Variants in BIK observed in about 807,000 individuals in gnomAD.
BIK encodes the protein bcl-2-interacting killer.
A neutral mutation model predicts 12.1 loss-of-function variants in BIK; 14 were observed. That is an observed-to-expected ratio of 1.16 (90% confidence interval 0.77 to 1.81). The LOEUF (loss-of-function observed/expected upper bound fraction) is 1.81, where lower values mean the gene tolerates loss of function less well. Ranked by LOEUF, BIK falls within the 40% of genes most tolerant of loss-of-function variation. BIK has a pLI of 0.00. For missense variants in BIK, 215 were observed against 207.9 expected, an observed-to-expected ratio of 1.03 and a Z score of -0.21; for synonymous variants, 86 against 92.3, an observed-to-expected ratio of 0.93 and a Z score of 0.39.
chr22:43,120,614 G>T (rs1930201616), intron 1 of BIK, among the ~76,000 whole-genome samples: 1 of 152,224 alleles, frequency 6.6e-6, no homozygotes, highest in Admixed American at 6.5e-5. Flanking sequence ...GTGCCAGGTA[G>T]GAGCTGACAG....
chr22:43,116,736 C>A (rs889344633), intron 1 of BIK, among the ~76,000 whole-genome samples: 7 of 152,100 alleles, frequency 4.6e-5, no homozygotes, highest in Non-Finnish European at 1.0e-4. Context: ...GGATTACAGG[C>A]GTAAGCCACC....
chr22:43,119,139 T>C, intron 1 of BIK, among the ~76,000 whole-genome samples: 1 of 151,474 alleles, frequency 6.6e-6, no homozygotes, highest in East Asian at 1.9e-4. Flanking sequence ...CATCCTAACC[T>C]CTTAGGGTAA....
intron 1 of BIK, among the ~76,000 whole-genome samples, chr22:43,118,873 C>T (rs983109867): frequency 2.0e-5 from 3 of 152,064 alleles, no homozygotes; most frequent in Non-Finnish European, 4.4e-5. Flanking sequence ...CCTGCAGCCT[C>T]GGCCCTCGAA....
chr22:43,124,287 C>G, intron 2 of BIK, 104 bp downstream of exon 2: 2 of 1,337,148 alleles, frequency 1.5e-6, no homozygotes, highest in Non-Finnish European at 2.1e-6. Context: ...AGATGCCTCC[C>G]AGGCAGGGCC....
At chr22:43,127,631 G>T in intron 2 of BIK, 66 bp from the exon 3 acceptor site, 1 of 1,403,086 alleles carries the variant, frequency 7.1e-7, no homozygotes, top group Non-Finnish European at 9.7e-7. Flanking sequence ...CGTTGGCTGG[G>T]TGGGTCCAGG....
At chr22:43,119,689 G>A (rs2147021050) in intron 1 of BIK, among the ~76,000 whole-genome samples, 2 of 152,250 alleles carry the variant, frequency 1.3e-5, no homozygotes, top group South Asian at 4.1e-4. Context: ...GTCCAAGAAG[G>A]TGATGCCCGA....
chr22:43,115,337 G>T (rs898389422), intron 1 of BIK, among the ~76,000 whole-genome samples: 8 of 152,168 alleles, frequency 5.3e-5, no homozygotes, highest in African/African-American at 1.9e-4. Context: ...AAAGGGCTGG[G>T]TGCAAGTTCA....
intron 1 of BIK, among the ~76,000 whole-genome samples, chr22:43,112,351 C>A (rs116750388): frequency 6.6e-6 from 1 of 151,990 alleles, no homozygotes; most frequent in African/African-American, 2.4e-5. Flanking sequence ...GCGCCTACCA[C>A]GAGGCCCAGC....
At chr22:43,116,692 C>T (rs1930120350) in intron 1 of BIK, among the ~76,000 whole-genome samples, 1 of 151,910 alleles carries the variant, frequency 6.6e-6, no homozygotes, top group Non-Finnish European at 1.5e-5. Context: ...CTCCTGACCT[C>T]GTGATCCGCC....
intron 1 of BIK, among the ~76,000 whole-genome samples, chr22:43,121,962 C>A (rs1038109339): frequency 2.0e-5 from 3 of 152,214 alleles, no homozygotes; most frequent in Non-Finnish European, 4.4e-5. Context: ...AACTCCTGAC[C>A]TCAGGTGATC....
intron 1 of BIK, among the ~76,000 whole-genome samples, chr22:43,116,214 C>T (rs1930110181): frequency 6.6e-6 from 1 of 152,204 alleles, no homozygotes; most frequent in Non-Finnish European, 1.5e-5. Context: ...GTCTGTTAGA[C>T]TTCCTCTACG....
chr22:43,126,864 G>A (rs758553698), intron 2 of BIK, among the ~76,000 whole-genome samples: 7 of 152,150 alleles, frequency 4.6e-5, no homozygotes, highest in Non-Finnish European at 7.4e-5. Context: ...CTGATTGCCA[G>A]CCCACACCTG....
At position 43,115,947 on chromosome 22, in the gene BIK, C is replaced by G. The variant is rs539293936; in HGVS notation, c.-8+5144C>G. Among the ~76,000 whole-genome samples, 735 of 151,874 alleles carry G rather than the reference C, an allele frequency of 4.8e-3. 6 individuals are homozygous for G. Among genetic ancestry groups the G allele is most frequent in the African/African-American group, 0.017 (713 of 41,410 alleles). ...AACTTTGGTATTTTTAGTAGAGACA[C>G]TGTTTCACCATGTTGACCGGGGGGT... On this transcript the variant is annotated intron_variant, in intron 1 of 4. Coordinates refer to ENST00000216115, the MANE Select transcript of BIK (RefSeq NM_001197.5).
At chr22:43,127,010 C>T (rs776521760) in intron 2 of BIK, among the ~76,000 whole-genome samples, 5 of 152,134 alleles carry the variant, frequency 3.3e-5, no homozygotes, top group Admixed American at 6.5e-5. Context: ...GGAGTTCCCC[C>T]GGTGTAGTCA....
intron 1 of BIK, among the ~76,000 whole-genome samples, chr22:43,120,239 G>C (rs1930194277): frequency 6.6e-6 from 1 of 152,242 alleles, no homozygotes; most frequent in African/African-American, 2.4e-5. Context: ...CCAGGTTGGA[G>C]TGCAATGGCG....
intron 4 of BIK, 140 bp downstream of exon 4, chr22:43,128,765 G>A (rs1930375459): frequency 7.7e-7 from 1 of 1,299,556 alleles, no homozygotes; most frequent in South Asian, 1.5e-5. Flanking sequence ...TGATCCCATG[G>A]GCTTTTGGGT....
intron 1 of BIK, among the ~76,000 whole-genome samples, chr22:43,116,674 G>T (rs979682699): frequency 6.6e-6 from 1 of 151,960 alleles, no homozygotes; most frequent in African/African-American, 2.4e-5. Context: ...AGCCAGAATG[G>T]TTTCGATCTC....
intron 3 of BIK, 88 bp downstream of exon 3, chr22:43,127,883 C>A: frequency 1.6e-6 from 2 of 1,277,334 alleles, no homozygotes; most frequent in Non-Finnish European, 2.1e-6. Flanking sequence ...GGGCTGGGCC[C>A]TGAGGAAGCT....
intron 2 of BIK, 47 bp downstream of exon 2, chr22:43,124,230 G>T: frequency 6.3e-7 from 1 of 1,599,340 alleles, no homozygotes; most frequent in South Asian, 1.1e-5. Flanking sequence ...AGTGACTTCA[G>T]GGGTGGGCTG....
Sources: gnomAD v4.1 joint callset for allele counts (sites outside exome capture counted in the v4.1 genomes callset) on GRCh38, gnomAD v4.1.1 for gene constraint, MANE v1.5 for transcripts, NCBI Gene and HGNC (gene_info 2026-07-23, HGNC 2026-07-21) for gene names.